PDE1A: variants seen among roughly 807,000 people sequenced by gnomAD.
The protein encoded by PDE1A is dual specificity calcium/calmodulin-dependent 3',5'-cyclic nucleotide phosphodiesterase 1A.
A neutral mutation model predicts 61.7 loss-of-function variants in PDE1A; 35 were observed. The observed-to-expected ratio is 0.57, with a 90% CI of 0.43 to 0.75. PDE1A has a LOEUF of 0.75. PDE1A is among the 30% of genes least tolerant of loss of function. PDE1A has a pLI of 0.00. For synonymous variants in PDE1A, 232 were observed against 213.2 expected (o/e 1.09, Z -0.77); for missense variants, 597 against 630.6 (o/e 0.95, Z 0.57).
intron 1 of PDE1A, among the ~76,000 whole-genome samples, chr2:182,328,021 A>C (rs768025837): frequency 2.0e-5 from 3 of 152,196 alleles, no homozygotes; most frequent in Non-Finnish European, 4.4e-5. Flanking sequence ...ATGAAGGTAG[A>C]ATATGCGAAT....
At chr2:182,312,831 C>CAA (rs34592316) in intron 1 of PDE1A, among the ~76,000 whole-genome samples, 198 of 145,150 alleles carry the variant, frequency 1.4e-3, no homozygotes, top group African/African-American at 3.0e-3. Context: ...TATGTTTTAC[C>CAA]AAAAAAAAAA....
At chr2:182,513,587 C>T (rs1024021223) in intron 2 of PDE1A, among the ~76,000 whole-genome samples, 1 of 152,202 alleles carries the variant, frequency 6.6e-6, no homozygotes, top group Non-Finnish European at 1.5e-5. Context: ...ATCAAATCTT[C>T]ACATATCGAT....
chr2:182,413,508 C>T (rs950930154), intron 1 of PDE1A, among the ~76,000 whole-genome samples: 5 of 152,110 alleles, frequency 3.3e-5, no homozygotes, highest in Non-Finnish European at 5.9e-5. Context: ...TGAAAAATAA[C>T]AGACATTTGA....
At chr2:182,276,676 T>C (rs1390071748) in intron 1 of PDE1A, among the ~76,000 whole-genome samples, 1 of 152,088 alleles carries the variant, frequency 6.6e-6, no homozygotes, top group Non-Finnish European at 1.5e-5. Flanking sequence ...AAGGTCTGAC[T>C]GCCTGTGGGG....
chr2:182,283,615 C>T (rs185706738), intron 1 of PDE1A, among the ~76,000 whole-genome samples: 33 of 152,012 alleles, frequency 2.2e-4, no homozygotes, highest in African/African-American at 6.5e-4. Context: ...TGAGTTAAAT[C>T]TTGAGTTTTA....
intron 1 of PDE1A, among the ~76,000 whole-genome samples, chr2:182,274,580 C>T (rs1431256069): frequency 6.6e-6 from 1 of 152,034 alleles, no homozygotes; most frequent in Non-Finnish European, 1.5e-5. Context: ...GCATAAAAAG[C>T]AATCAAATCG....
At chr2:182,581,884 TTTG>T in the PDE1A span, among the ~76,000 whole-genome samples, 1 of 152,134 alleles carries the variant, frequency 6.6e-6, no homozygotes, top group Non-Finnish European at 1.5e-5. Context: ...GCAGAATGGT[TTTG>T]TTATCTGGTT....
intron 2 of PDE1A, among the ~76,000 whole-genome samples, chr2:182,454,166 G>C (rs1340057711): frequency 1.7e-4 from 26 of 152,122 alleles, no homozygotes; most frequent in African/African-American, 5.1e-4. Context: ...CTCCCAGTCA[G>C]AATTGCTTCG....
chr2:182,225,325 G>T (rs2125616890), intron 6 of PDE1A, among the ~76,000 whole-genome samples: 1 of 151,988 alleles, frequency 6.6e-6, no homozygotes. Context: ...GAGAATTGAT[G>T]AATTTAAATT....
At chr2:182,412,784 A>ACAGG (rs553589451) in intron 1 of PDE1A, among the ~76,000 whole-genome samples, 1 of 152,360 alleles carries the variant, frequency 6.6e-6, no homozygotes, top group South Asian at 2.1e-4. Flanking sequence ...TATGGATATG[A>ACAGG]CAGGGTCTTA....
At chr2:182,686,987 C>A in the PDE1A span, among the ~76,000 whole-genome samples, 2 of 152,192 alleles carry the variant, frequency 1.3e-5, no homozygotes, top group Non-Finnish European at 2.9e-5. Context: ...GGGGGAGGGG[C>A]GCCCGCCATT....
chr2:182,201,485 A>G, exon 10 of PDE1A: 2 of 1,614,106 alleles, frequency 1.2e-6, no homozygotes, highest in Non-Finnish European at 1.7e-6. Flanking sequence ...CCGATAATGC[A>G]GCTTCCAGGA....
At chr2:182,602,907 G>T in the PDE1A span, among the ~76,000 whole-genome samples, 1 of 152,174 alleles carries the variant, frequency 6.6e-6, no homozygotes, top group East Asian at 1.9e-4. Flanking sequence ...TACATTAAAT[G>T]TAAGAATACA....
At chr2:182,181,098 T>C (rs6433958) in intron 13 of PDE1A, among the ~76,000 whole-genome samples, 74,192 of 151,714 alleles carry the variant, frequency 0.49, 18,690 homozygotes, top group East Asian at 0.6. Flanking sequence ...TCAATTAATC[T>C]ATCTCATTCT....
At chr2:182,221,210 A>G (rs1688699981) in intron 7 of PDE1A, among the ~76,000 whole-genome samples, 1 of 151,980 alleles carries the variant, frequency 6.6e-6, no homozygotes, top group African/African-American at 2.4e-5. Context: ...GGAGAAAGCT[A>G]GAGTGATGAT....
At chr2:182,185,316 A>G (rs1362614781) in intron 13 of PDE1A, among the ~76,000 whole-genome samples, 2 of 152,222 alleles carry the variant, frequency 1.3e-5, no homozygotes, top group Non-Finnish European at 2.9e-5. Context: ...AACTGTTTGA[A>G]TACTAACTCA....
chr2:182,200,943 C>T (rs1325517214), intron 10 of PDE1A, among the ~76,000 whole-genome samples: 1 of 152,198 alleles, frequency 6.6e-6, no homozygotes, highest in Non-Finnish European at 1.5e-5. Context: ...GAACGCCAGT[C>T]ACAATCCTTA....
At chr2:182,497,907 G>A (rs534001477) in intron 2 of PDE1A, among the ~76,000 whole-genome samples, 3 of 152,032 alleles carry the variant, frequency 2.0e-5, no homozygotes, top group Non-Finnish European at 2.9e-5. Context: ...TCAGCCGGGC[G>A]TGGTGGCAGG....
At chr2:182,330,481 G>A (rs1487729766) in intron 1 of PDE1A, among the ~76,000 whole-genome samples, 1 of 151,976 alleles carries the variant, frequency 6.6e-6, no homozygotes, top group Non-Finnish European at 1.5e-5. Context: ...AGCCTTCTCA[G>A]TCTCATTATT....
Sources: allele counts gnomAD v4.1 joint callset (sites outside exome capture counted in the v4.1 genomes callset), GRCh38; gene constraint gnomAD v4.1.1; transcripts MANE v1.5; gene names NCBI Gene and HGNC (gene_info 2026-07-23, HGNC 2026-07-21).